RETREG3: variants seen among roughly 807,000 people sequenced by gnomAD.
The protein encoded by RETREG3 is reticulophagy regulator family member 3.
RETREG3 carries 23 observed loss-of-function variants against 50.2 expected under a neutral mutation model. The ratio of observed to expected loss-of-function variants is 0.46; its 90% CI spans 0.33 to 0.65. The LOEUF (loss-of-function observed/expected upper bound fraction) is 0.65. RETREG3 is among the 30% of genes least tolerant of loss of function. The pLI, the probability that RETREG3 is intolerant of heterozygous loss-of-function variation, is 0.02. For missense variants in RETREG3, 546 were observed against 598.0 expected (o/e 0.91, Z 0.91); for synonymous variants, 240 against 234.4 (o/e 1.02, Z -0.22).
intron 1 of RETREG3, among the ~76,000 whole-genome samples, chr17:42,596,332 C>T (rs1231346561): frequency 1.6e-5 from 2 of 127,148 alleles, no homozygotes; most frequent in East Asian, 4.8e-4. Flanking sequence ...GCACTCCAGC[C>T]TGGCTGACAA....
At chr17:42,608,029 G>A (rs1231504926) in intron 1 of RETREG3, among the ~76,000 whole-genome samples, 1 of 152,120 alleles carries the variant, frequency 6.6e-6, no homozygotes, top group Non-Finnish European at 1.5e-5. Context: ...TCAGCTCACT[G>A]AAAATCTTTC....
intron 1 of RETREG3, among the ~76,000 whole-genome samples, chr17:42,603,706 G>A (rs1266332483): frequency 1.7e-4 from 26 of 152,306 alleles, no homozygotes; most frequent in South Asian, 2.1e-4. Context: ...AGCCGGGCGC[G>A]GTGGCTCACG....
intron 2 of RETREG3, 124 bp downstream of exon 2, chr17:42,591,932 G>A: frequency 1.3e-6 from 1 of 794,716 alleles, no homozygotes; most frequent in Non-Finnish European, 1.9e-6. Context: ...TAAAGCAAAT[G>A]ATTCAGACTT....
At chr17:42,589,925 G>C (rs1327702621) in intron 2 of RETREG3, among the ~76,000 whole-genome samples, 1 of 152,202 alleles carries the variant, frequency 6.6e-6, no homozygotes, top group Non-Finnish European at 1.5e-5. Context: ...TATCGGCTGG[G>C]CGTGGTGGCC....
rs553610183 is a variant in RETREG3, at chr17:42,587,945, C to G, written c.347-81G>C. 14 of 1,502,180 alleles carry G rather than the reference C, an allele frequency of 9.3e-6. 1 individual carries two copies. The South Asian group carries it at 1.5e-4, about 16-fold the overall frequency. 93.1% of individuals were successfully genotyped at this position (1,502,180 alleles called of 1,614,324 possible). Reference sequence around the variant, plus strand: ...ATGTTAGGCTGTTGGTCTGACAGCTCAAGTTTTAATAGGTTGGGGAAAAGA... The same window carrying G: ...ATGTTAGGCTGTTGGTCTGACAGCTGAAGTTTTAATAGGTTGGGGAAAAGA... On this transcript the variant is annotated intron_variant, in intron 2 of 8. Coordinates refer to ENST00000309428, the MANE Select transcript of RETREG3 (RefSeq NM_178126.4).
intron 2 of RETREG3, among the ~76,000 whole-genome samples, chr17:42,590,469 C>T (rs1305181752): frequency 6.6e-6 from 1 of 152,016 alleles, no homozygotes; most frequent in Non-Finnish European, 1.5e-5. Flanking sequence ...GTTGGGAGTT[C>T]AAGACCAGCC....
At chr17:42,606,166 A>G (rs2093167523) in intron 1 of RETREG3, among the ~76,000 whole-genome samples, 1 of 152,156 alleles carries the variant, frequency 6.6e-6, no homozygotes, top group African/African-American at 2.4e-5. Flanking sequence ...AGAGACCCAG[A>G]GTACAAAAGG....
At chr17:42,588,739 C>T (rs147565433) in intron 2 of RETREG3, among the ~76,000 whole-genome samples, 15 of 152,142 alleles carry the variant, frequency 9.9e-5, no homozygotes, top group African/African-American at 3.1e-4. Flanking sequence ...CTCACTACAA[C>T]CTCCACCTCT....
chr17:42,585,225 G>A lies in RETREG3; in HGVS notation c.627C>T (p.His209=). 6.2e-7 allele frequency: 1 copy of A among 1,614,034 alleles called. No individual in the cohort carries two copies. Among genetic ancestry groups the A allele is most frequent in the Non-Finnish European group, 8.5e-7 (1 of 1,180,032 alleles). ...GCACATATGCTCGATCCCACAGTCG[G>A]TGGTACACAGCAAGGGGCCACATCA... ...TVMMWPLAVY[H]RLWDRAYVRL... is the part of the protein sequence containing the mutation. The change falls in exon 6 of 9, where the codon CAC becomes CAT. Residue 209 remains histidine, a synonymous_variant. Coordinates refer to ENST00000309428, the MANE Select transcript of RETREG3 (RefSeq NM_178126.4).
At position 42,609,143 on chromosome 17, in the gene RETREG3, A is replaced by G. The variant is rs2093174499; in HGVS notation, c.182T>C (p.Val61Ala). 1.9e-6 allele frequency: 3 copies of G among 1,609,858 alleles called. No homozygotes were observed. The South Asian group carries it at 3.3e-5, about 18-fold the overall frequency. The change falls in exon 1 of 9, where the codon GTG becomes GCG. Residue 61 changes from valine (V) to alanine (A), a missense_variant. Val to Ala is a moderately conservative substitution (Grantham distance 64, BLOSUM62 0). Transcript: ENST00000309428. ...PLLSRVQAAL[V>A]WERPARSALW... is the part of the protein sequence containing the mutation. ...AGCGCTCCTAGCTGGCCGCTCCCAC[A>G]CCAGGGCTGCCTGCACCCGACTCAG... is the stretch of plus-strand genomic sequence containing the variant.
intron 1 of RETREG3, among the ~76,000 whole-genome samples, chr17:42,600,548 T>A (rs1315217660): frequency 6.6e-6 from 1 of 152,026 alleles, no homozygotes; most frequent in African/African-American, 2.4e-5. Context: ...ATATGACACA[T>A]CAATAATTTG....
At chr17:42,606,471 C>T (rs1378873266) in intron 1 of RETREG3, among the ~76,000 whole-genome samples, 2 of 151,762 alleles carry the variant, frequency 1.3e-5, no homozygotes, top group East Asian at 1.9e-4. Flanking sequence ...CGTGGTGGCG[C>T]GTGCCTGCAA....
At chr17:42,606,033 G>C (rs1399162467) in intron 1 of RETREG3, among the ~76,000 whole-genome samples, 1 of 140,856 alleles carries the variant, frequency 7.1e-6, no homozygotes, top group Non-Finnish European at 1.5e-5. Context: ...TCATTTTGTT[G>C]TCTCTCTCCT....
chr17:42,584,233 G>T (rs1310238759), intron 6 of RETREG3, among the ~76,000 whole-genome samples: 2 of 152,194 alleles, frequency 1.3e-5, no homozygotes, highest in African/African-American at 4.8e-5. Context: ...GGCAAAAGGA[G>T]ATGCACACCT....
intron 6 of RETREG3, among the ~76,000 whole-genome samples, chr17:42,583,807 A>G (rs538161560): frequency 2.0e-5 from 3 of 152,062 alleles, no homozygotes; most frequent in East Asian, 1.9e-4. Flanking sequence ...CAGACCCTAC[A>G]TATTTCTTTT....
At chr17:42,585,707 T>TA (rs1447003472) in intron 5 of RETREG3, among the ~76,000 whole-genome samples, 3 of 152,152 alleles carry the variant, frequency 2.0e-5, no homozygotes, top group African/African-American at 7.2e-5. Flanking sequence ...CTGGCATAAA[T>TA]AGAACCTAGC....
At chr17:42,591,995 G>T in intron 2 of RETREG3, 61 bp downstream of exon 2, 1 of 1,403,776 alleles carries the variant, frequency 7.1e-7, no homozygotes, top group Non-Finnish European at 1.0e-6. Flanking sequence ...TAATACTAAA[G>T]GTACAAATTA....
rs2093103307 is a variant in RETREG3 at position 42,579,777 on chromosome 17, G to C, written c.*2036C>G. 6.5e-6 allele frequency: 1 copy of C among 152,870 alleles called. No homozygotes were observed. The highest frequency in any genetic ancestry group is 2.1e-4 in the South Asian group (1 of 4,830). The allele number at this position is 152,870 out of a possible 1,614,324, so 9.5% of individuals were successfully genotyped here. ...TGAGAGGTGTCAAAAGTCTGTTTGA[G>C]AAGCCTAAAGTGGGGAGATGCCATT... On this transcript the variant is annotated 3_prime_UTR_variant, in exon 9 of 9. Coordinates refer to ENST00000309428, the MANE Select transcript of RETREG3 (RefSeq NM_178126.4).
intron 1 of RETREG3, among the ~76,000 whole-genome samples, chr17:42,601,906 A>G (rs1597742395): frequency 6.6e-6 from 1 of 152,014 alleles, no homozygotes; most frequent in African/African-American, 2.4e-5. Flanking sequence ...AGTGCTGAGA[A>G]TTATAGGCAT....
Sources: allele counts gnomAD v4.1 joint callset (sites outside exome capture counted in the v4.1 genomes callset), GRCh38; gene constraint gnomAD v4.1.1; transcripts MANE v1.5; gene names NCBI Gene and HGNC (gene_info 2026-07-23, HGNC 2026-07-21).